Variants in EPHX1 observed in about 807,000 individuals in gnomAD.
EPHX1 encodes the protein epoxide hydratase.
In EPHX1, 40 loss-of-function variants were observed where a neutral mutation model predicts 43.2. That is an observed-to-expected ratio of 0.93 (90% confidence interval 0.72 to 1.21). The LOEUF is 1.21. EPHX1 is among the 50% of genes most tolerant of loss of function. The pLI, the probability that EPHX1 is intolerant of heterozygous loss-of-function variation, is 0.00. For synonymous variants in EPHX1, 221 were observed against 226.7 expected (o/e 0.98, Z 0.22); for missense variants, 550 against 570.4 (o/e 0.96, Z 0.36).
chr1:225,827,895 G>A (rs929531015), intron 1 of EPHX1, among the ~76,000 whole-genome samples: 4 of 126,586 alleles, frequency 3.2e-5, no homozygotes, highest in African/African-American at 1.2e-4. Context: ...TACTCTCCCA[G>A]CACTTGGGCC....
chr1:225,845,038 G>T (rs1410983310), intron 8 of EPHX1, 108 bp from the exon 9 acceptor site: 1 of 1,186,498 alleles, frequency 8.4e-7, no homozygotes. Context: ...ATGGCTCCTT[G>T]TGGGTGGGCC....
At chr1:225,839,635 A>T (rs1056368166) in intron 5 of EPHX1, among the ~76,000 whole-genome samples, 194 bp from the exon 6 acceptor site, 1 of 152,022 alleles carries the variant, frequency 6.6e-6, no homozygotes, top group African/African-American at 2.4e-5. Context: ...CCCTGAGCAG[A>T]ACTCCCCAGA....
At position 225,845,194 on chromosome 1, in the gene EPHX1, A is replaced by G. The variant is rs1559028491; in HGVS notation, c.1215A>G (p.Leu405=). 1.2e-6 allele frequency: 2 copies of G among 1,613,986 alleles called. No individual in the cohort carries two copies. The highest frequency in any genetic ancestry group is 1.7e-6 in the Non-Finnish European group (2 of 1,179,998). The change falls in exon 9 of 9, where the codon CTA becomes CTG. Residue 405 remains leucine (L), a synonymous_variant. Transcript: ENST00000272167. ...GCTTCTCTGCCTTCCCTTTTGAGCT[A>G]TTGCACACGCCTGAAAAGTGGGTGA... ...PTGFSAFPFE[L]LHTPEKWVRF...
intron 1 of EPHX1, among the ~76,000 whole-genome samples, chr1:225,811,254 C>A (rs1666468840): frequency 1.3e-5 from 2 of 152,180 alleles, no homozygotes; most frequent in African/African-American, 4.8e-5. Flanking sequence ...TGGCGGCTCC[C>A]GAGATCTTGG....
chr1:225,842,848 G>A (rs1559026740), intron 7 of EPHX1, among the ~76,000 whole-genome samples: 1 of 152,222 alleles, frequency 6.6e-6, no homozygotes, highest in Admixed American at 6.5e-5. Flanking sequence ...ACGTGACTGC[G>A]TGTTCCAGGA....
chr1:225,814,383 A>AG (rs1403589190), intron 1 of EPHX1, among the ~76,000 whole-genome samples: 4 of 152,242 alleles, frequency 2.6e-5, no homozygotes, highest in African/African-American at 9.6e-5. Context: ...ATTTTTAAAA[A>AG]GAAAAACTAC....
At chr1:225,838,391 G>A (rs1668083167) in intron 3 of EPHX1, among the ~76,000 whole-genome samples, 1 of 152,200 alleles carries the variant, frequency 6.6e-6, no homozygotes, top group South Asian at 2.1e-4. Context: ...CCAGCTGTCA[G>A]GGGGCACCTC....
chr1:225,839,366 G>GGGGT lies in EPHX1; in HGVS notation c.722+21_722+22insGGTG, dbSNP rs766429870. 5.8e-4 allele frequency: 906 copies of GGGGT among 1,560,784 alleles called. 4 individuals carry two copies. The African/African-American group carries it at 0.01, about 18-fold the overall frequency. On this transcript the variant is annotated intron_variant, in intron 5 of 8. Coordinates refer to ENST00000272167, the MANE Select transcript of EPHX1 (RefSeq NM_001136018.4). ...GCCCAGGTGAGGTCACTGTTGGGGT[G>GGGGT]GTGTGTGTGTGTGTGTGTGTGTGTG...
At chr1:225,828,640 A>G (rs1397666378) in intron 1 of EPHX1, 85 bp from the exon 2 acceptor site, 24 of 1,409,090 alleles carry the variant, frequency 1.7e-5, no homozygotes, top group Non-Finnish European at 2.2e-5. Flanking sequence ...GCAGCAGGAA[A>G]GAGCCTGCTG....
At chr1:225,841,077 C>T (rs768707632) in intron 6 of EPHX1, 4 of 152,164 alleles carry the variant, frequency 2.6e-5, no homozygotes, top group East Asian at 3.8e-4. Flanking sequence ...AAGTGAAGTA[C>T]GTCCATATCA....
chr1:225,813,776 G>C (rs117984678), intron 1 of EPHX1, among the ~76,000 whole-genome samples: 2 of 152,280 alleles, frequency 1.3e-5, no homozygotes, highest in Non-Finnish European at 2.9e-5. Context: ...GTGTCTTTCC[G>C]TCTGTTGCCT....
In EPHX1 at chr1:225,817,021, C is replaced by CT. The variant is rs34025126; in HGVS notation, c.-6+6861dup. Among the ~76,000 whole-genome samples, 12 of 151,808 alleles carry CT rather than the reference C, an allele frequency of 7.9e-5. No homozygotes were observed. In the East Asian group the frequency reaches 9.7e-4, roughly 12 times the overall value. ...TTACTGCTCTTTTACTCTCCCCCAG[C>CT]TTTTTTTTTCCTGCTTGTAAACTGC... On this transcript the variant is annotated intron_variant, in intron 1 of 8. Coordinates refer to ENST00000272167, the MANE Select transcript of EPHX1 (RefSeq NM_001136018.4). The surrounding 1 kb of genome is among the most constrained non-coding windows in gnomAD (Gnocchi z 5.7).
At chr1:225,838,403 A>C (rs1477465988) in intron 3 of EPHX1, among the ~76,000 whole-genome samples, 1 of 152,178 alleles carries the variant, frequency 6.6e-6, no homozygotes, top group Non-Finnish European at 1.5e-5. Context: ...GGGCACCTCT[A>C]AGGAAACCGG....
At chr1:225,823,485 C>T (rs1302576827) in intron 1 of EPHX1, among the ~76,000 whole-genome samples, 1 of 152,204 alleles carries the variant, frequency 6.6e-6, no homozygotes, top group Admixed American at 6.5e-5. Context: ...TCAAGCTTCC[C>T]CAGACTCAGT....
At chr1:225,828,651 G>A in intron 1 of EPHX1, 74 bp from the exon 2 acceptor site, 2 of 1,508,464 alleles carry the variant, frequency 1.3e-6, no homozygotes, top group African/African-American at 1.4e-5. Context: ...GAGCCTGCTG[G>A]GGATCAGAGT....
chr1:225,829,046 A>T, intron 2 of EPHX1, 134 bp downstream of exon 2: 1 of 1,103,868 alleles, frequency 9.1e-7, no homozygotes, highest in East Asian at 2.6e-5. Flanking sequence ...AGTGTGTTTC[A>T]GTCTGCTTTT....
rs1204026066 is a variant in EPHX1 at position 225,844,593 on chromosome 1, G to A, written c.1136G>A (p.Gly379Glu). ...CAGCGCTTCTACAAGGAGAACCTGG[G>A]ACAGGGCTGGATGACCCAGAAGCAT... ...SSQRFYKENL[G>E]QGWMTQKHER... The change falls in exon 8 of 9, where the codon GGA becomes GAA. Residue 379 changes from glycine (G) to glutamate (E), a missense_variant. Transcript: ENST00000272167. 6 of 1,614,140 alleles carry A rather than the reference G, an allele frequency of 3.7e-6. No individual in the cohort carries two copies. Among genetic ancestry groups the A allele is most frequent in the Non-Finnish European group, 5.1e-6 (6 of 1,180,008 alleles).
At chr1:225,826,509 C>T (rs1367244846) in intron 1 of EPHX1, among the ~76,000 whole-genome samples, 1 of 147,966 alleles carries the variant, frequency 6.8e-6, no homozygotes, top group African/African-American at 2.5e-5. Flanking sequence ...ATGGAACATG[C>T]ATCAACGTGT....
At chr1:225,828,209 T>G (rs1667357642) in intron 1 of EPHX1, among the ~76,000 whole-genome samples, 1 of 152,042 alleles carries the variant, frequency 6.6e-6, no homozygotes, top group Non-Finnish European at 1.5e-5. Flanking sequence ...CTGGGTGTGG[T>G]GGCACGTGCC....
Sources: gnomAD v4.1 joint callset for allele counts (sites outside exome capture counted in the v4.1 genomes callset) on GRCh38, gnomAD v4.1.1 for gene constraint, Gnocchi (gnomAD v3.1) non-coding constraint, MANE v1.5 for transcripts, NCBI Gene and HGNC (gene_info 2026-07-23, HGNC 2026-07-21) for gene names.